The following PKMYT1 variants were observed in gnomAD, a reference collection of about 807,000 sequenced individuals.
PKMYT1 encodes the protein protein kinase, membrane associated tyrosine/threonine 1.
PKMYT1 carries 35 observed loss-of-function variants against 49.7 expected under a neutral mutation model. That is an observed-to-expected ratio of 0.70 (90% CI 0.54 to 0.93). PKMYT1 has a LOEUF of 0.93. Ranked by LOEUF, PKMYT1 falls within the 40% of genes least tolerant of loss-of-function variation. The pLI is 0.00. For missense variants in PKMYT1, 677 were observed against 673.1 expected (o/e 1.01, Z -0.06); for synonymous variants, 331 against 287.6 (o/e 1.15, Z -1.53).
chr16:2,977,080 T>C, intron 2 of PKMYT1, 49 bp from the exon 3 acceptor site: 1 of 1,586,574 alleles, frequency 6.3e-7, no homozygotes, highest in Non-Finnish European at 8.5e-7. Flanking sequence ...TCCACTCTGA[T>C]ACCACCTGGC....
rs1349408437 is a variant in PKMYT1, at chr16:2,973,320, G to A, written c.1311-105C>T. The A allele has an allele frequency of 9.8e-6, 15 of 1,528,252 alleles. No individual in the cohort carries two copies. The East Asian group carries it at 1.5e-4, about 15-fold the overall frequency. 94.7% of individuals were successfully genotyped at this position (1,528,252 alleles called of 1,614,324 possible). On this transcript the variant is annotated intron_variant, in intron 7 of 8. Transcript: ENST00000262300. ...CTCCAGGCTCCCGCCTGACAAACAGGCAGGGAGCCACAGTCAGGGACAATA... is the reference window on the plus strand; with the variant it reads ...CTCCAGGCTCCCGCCTGACAAACAGACAGGGAGCCACAGTCAGGGACAATA...
In PKMYT1 at chr16:2,976,985, TGGC is replaced by T. The variant is rs1208658658; in HGVS notation, c.54_56del (p.Pro20del). On this transcript the variant is annotated inframe_deletion, in exon 3 of 9. Coordinates refer to ENST00000262300, the MANE Select transcript of PKMYT1 (RefSeq NM_004203.5). ...CTGGGATGGGGGTGCCACTCAGAGGTGGCGGGGTGCCCTCCGTGGGCATGGGCA... is the reference window on the plus strand; with the variant it reads ...CTGGGATGGGGGTGCCACTCAGAGGTGGGGTGCCCTCCGTGGGCATGGGCA... 7 of 1,565,038 alleles carry T rather than the reference TGGC, an allele frequency of 4.5e-6. No homozygotes were observed. Among genetic ancestry groups the T allele is most frequent in the East Asian group, 2.3e-5 (1 of 42,684 alleles).
Position 2,979,755 on chromosome 16 carries a change from G to A in PKMYT1, c.-98C>T. 5 of 1,503,336 alleles carry A rather than the reference G, an allele frequency of 3.3e-6. No homozygotes were observed. The highest frequency in any genetic ancestry group is 4.6e-6 in the Non-Finnish European group (5 of 1,087,864). 93.1% of individuals were successfully genotyped at this position (1,503,336 alleles called of 1,614,324 possible). ...GTGTCCCTGAGCTAAGGCCAGGCGG[G>A]GGTGACCTCCGCAGCTTCCGGGGCC... On this transcript the variant is annotated 5_prime_UTR_variant, in exon 2 of 9. Transcript: ENST00000262300.
intron 2 of PKMYT1, 102 bp downstream of exon 2, chr16:2,979,546 C>T: frequency 1.1e-6 from 1 of 933,974 alleles, no homozygotes; most frequent in Non-Finnish European, 1.8e-6. Flanking sequence ...CTGGAGGTCA[C>T]TGGTCACAAG....
intron 2 of PKMYT1, among the ~76,000 whole-genome samples, chr16:2,978,330 G>C (rs769251706): frequency 6.6e-6 from 1 of 152,228 alleles, no homozygotes; most frequent in Non-Finnish European, 1.5e-5. Flanking sequence ...AGGGCAACCA[G>C]CTGAACCATA....
chr16:2,977,067 A>C (rs2072217846), intron 2 of PKMYT1, 36 bp from the exon 3 acceptor site: 1 of 1,589,322 alleles, frequency 6.3e-7, no homozygotes, highest in African/African-American at 1.3e-5. Context: ...ACAGGGCAGC[A>C]TGTCCACTCT....
At chr16:2,974,709 G>T in intron 4 of PKMYT1, 53 bp from the exon 5 acceptor site, 1 of 1,236,002 alleles carries the variant, frequency 8.1e-7, no homozygotes, top group South Asian at 1.3e-5. Flanking sequence ...CTGGGACACA[G>T]ACCCAGTCCA....
chr16:2,977,516 AG>A, intron 2 of PKMYT1: 1 of 990,872 alleles, frequency 1.0e-6, no homozygotes, highest in Non-Finnish European at 1.2e-6. Flanking sequence ...GTCCACTTCC[AG>A]AATGGCAGTG....
chr16:2,977,145 T>C, intron 2 of PKMYT1, 114 bp from the exon 3 acceptor site: 1 of 1,521,104 alleles, frequency 6.6e-7, no homozygotes, highest in Non-Finnish European at 8.8e-7. Flanking sequence ...ACACACTTAT[T>C]CTACTTTAAA....
At chr16:2,979,212 G>A (rs545430084) in intron 2 of PKMYT1, among the ~76,000 whole-genome samples, 3 of 152,168 alleles carry the variant, frequency 2.0e-5, no homozygotes, top group African/African-American at 7.2e-5. Flanking sequence ...GTGCATGCCT[G>A]TAGTCCCAGC....
rs550872795 is a variant in PKMYT1 at position 2,978,385 on chromosome 16, G to A, written c.10+1263C>T. On this transcript the variant is annotated intron_variant, in intron 2 of 8. Transcript: ENST00000262300. ...GAGAAGTGGAGAAAGAGCTAGCTAG[G>A]AAGAGCCTGCCTGCTGTCAGAACAA... 6.6e-5 allele frequency among the ~76,000 whole-genome samples: 10 copies of A among 152,280 alleles called. 1 individual carries two copies. The South Asian group carries it at 2.1e-3, about 32-fold the overall frequency.
Position 2,975,508 on chromosome 16 carries a change from C to T in PKMYT1, c.683G>A (p.Gly228Asp), listed in dbSNP as rs562372351. The T allele has an allele frequency of 6.2e-7, 1 of 1,612,700 alleles. No homozygotes were observed. The highest frequency in any genetic ancestry group is 1.1e-5 in the South Asian group (1 of 91,082). The change falls in exon 4 of 9, where the codon GGC becomes GAC. Residue 228 changes from glycine (G) to aspartate (D), a missense_variant. Coordinates refer to ENST00000262300, the MANE Select transcript of PKMYT1 (RefSeq NM_004203.5). ...LLALAHLHSQ[G>D]LVHLDVKPAN... ...AGGCTTGACATCAAGGTGCACCAGG[C>T]CCTGGCTGTGCAGATGGGCCAGGGC...
intron 2 of PKMYT1, 164 bp from the exon 3 acceptor site, chr16:2,977,195 A>G (rs1355274472): frequency 2.1e-6 from 3 of 1,454,324 alleles, no homozygotes; most frequent in Non-Finnish European, 2.7e-6. Context: ...GAAAAGGCAG[A>G]GGACAGATTC....
rs756825700 is a variant in PKMYT1 at position 2,975,728 on chromosome 16, A to T, written c.463T>A (p.Leu155Met). The stretch of plus-strand genomic sequence containing the variant: ...TTCTCGTGGCTGCCCACCTCGGCCA[A>T]CTTGCGGGCCCGGTCCTTGGGGCCC... Reference protein sequence around the residue: ...FRGPKDRARKLAEVGSHEKVG... With the variant: ...FRGPKDRARKMAEVGSHEKVG... The change falls in exon 4 of 9, where the codon TTG becomes ATG. Residue 155 changes from leucine (L) to methionine (M), a missense_variant. Leu to Met is a conservative substitution (Grantham distance 15). Coordinates refer to ENST00000262300, the MANE Select transcript of PKMYT1 (RefSeq NM_004203.5). 1 of 1,604,550 alleles carries T rather than the reference A, an allele frequency of 6.2e-7. No homozygotes were observed. Among genetic ancestry groups the T allele is most frequent in the Non-Finnish European group, 8.5e-7 (1 of 1,179,896 alleles).
Position 2,979,778 on chromosome 16 carries a change from GC to G in PKMYT1, c.-122del. The stretch of plus-strand genomic sequence containing the variant: ...GGGGGTGACCTCCGCAGCTTCCGGG[GC>G]CCTGGGCGATCGGGCCGTCTCGCCT... On this transcript the variant is annotated 5_prime_UTR_variant, in exon 2 of 9. Transcript: ENST00000262300. 2 of 1,233,808 alleles carry G rather than the reference GC, an allele frequency of 1.6e-6. No individual in the cohort carries two copies. Among genetic ancestry groups the G allele is most frequent in the Non-Finnish European group, 2.3e-6 (2 of 857,122 alleles). The allele number at this position is 1,233,808 out of a possible 1,614,324, so 76.4% of individuals were successfully genotyped here.
Position 2,979,746 on chromosome 16 carries a change from G to A in PKMYT1, c.-89C>T. ...GAATCCAGGGTGTCCCTGAGCTAAG[G>A]CCAGGCGGGGGTGACCTCCGCAGCT... On this transcript the variant is annotated 5_prime_UTR_variant, in exon 2 of 9. Transcript: ENST00000262300. The A allele has an allele frequency of 1.9e-6, 3 of 1,570,088 alleles. No individual in the cohort carries two copies. The African/African-American group carries it at 4.1e-5, about 21-fold the overall frequency.
At chr16:2,977,997 A>G (rs1307819128) in intron 2 of PKMYT1, among the ~76,000 whole-genome samples, 1 of 152,142 alleles carries the variant, frequency 6.6e-6, no homozygotes, top group Non-Finnish European at 1.5e-5. Context: ...GCCCCAGCTC[A>G]TTTGTAGGAA....
In PKMYT1 at chr16:2,975,470, G is replaced by T. The variant is rs377489890; in HGVS notation, c.721C>A (p.Leu241Met). The T allele has an allele frequency of 4.0e-5, 65 of 1,613,018 alleles. No homozygotes were observed. The highest frequency in any genetic ancestry group is 5.3e-5 in the Non-Finnish European group (63 of 1,179,974). The change falls in exon 4 of 9, where the codon CTG (leucine) becomes ATG (methionine). Residue 241 changes from leucine (L) to methionine (M), a missense_variant. Leu to Met is a conservative substitution (Grantham distance 15). Transcript: ENST00000262300. ...AGCTTGCAGCGGCCCCGGGGCCCCA[G>T]GAAGATGTTGGCAGGCTTGACATCA... is the stretch of plus-strand genomic sequence containing the variant. ...HLDVKPANIFLGPRGRCKLGD... is the reference protein window; with the variant it reads ...HLDVKPANIFMGPRGRCKLGD...
At chr16:2,973,748 G>A (rs534936701) in intron 7 of PKMYT1, 164 of 582,706 alleles carry the variant, frequency 2.8e-4, no homozygotes, top group Non-Finnish European at 4.7e-4. Context: ...CACTGGGGTC[G>A]GGGCTGCGCG....
Sources: allele counts gnomAD v4.1 joint callset (sites outside exome capture counted in the v4.1 genomes callset), GRCh38; gene constraint gnomAD v4.1.1; transcripts MANE v1.5; gene names NCBI Gene and HGNC (gene_info 2026-07-23, HGNC 2026-07-21).